The following CCNJL variants were observed in gnomAD, a reference collection of about 807,000 sequenced individuals.
CCNJL encodes the protein cyclin-J-like protein.
Under a neutral mutation model 33.4 loss-of-function variants are expected in CCNJL, and 33 were observed. The observed-to-expected ratio is 0.99, with a 90% CI of 0.75 to 1.32. CCNJL has a LOEUF of 1.32. Ranked by LOEUF, CCNJL falls within the 40% of genes most tolerant of loss-of-function variation. CCNJL has a pLI of 0.00. For synonymous variants in CCNJL, 227 were observed against 220.9 expected (o/e 1.03, Z -0.24); for missense variants, 512 against 499.7 (o/e 1.02, Z -0.23).
At chr5:160,262,333 G>T (rs1761374141) in intron 3 of CCNJL, among the ~76,000 whole-genome samples, 1 of 152,120 alleles carries the variant, frequency 6.6e-6, no homozygotes, top group Admixed American at 6.5e-5. Flanking sequence ...CTGCTACCAG[G>T]CCCAAGAGGA....
intron 1 of CCNJL, among the ~76,000 whole-genome samples, chr5:160,323,565 C>T (rs1260304823): frequency 6.6e-6 from 1 of 152,202 alleles, no homozygotes; most frequent in Non-Finnish European, 1.5e-5. Flanking sequence ...ATCCTAAAAA[C>T]ATCCTTTCTT....
chr5:160,283,010 C>CACAT (rs1554120782), intron 2 of CCNJL, among the ~76,000 whole-genome samples: 1 of 27,948 alleles, frequency 3.6e-5, no homozygotes, highest in African/African-American at 1.7e-4. Flanking sequence ...TATATATATA[C>CACAT]ATATATATAT....
chr5:160,312,780 CT>C (rs1561810202), upstream of CCNJL: 1 of 152,182 alleles, frequency 6.6e-6, no homozygotes, highest in African/African-American at 2.4e-5. Flanking sequence ...CTGGGCACCC[CT>C]CCGGCTTGCG....
intron 1 of CCNJL, 124 bp downstream of exon 1, chr5:160,312,240 C>T (rs935842811): frequency 4.6e-6 from 2 of 436,930 alleles, no homozygotes; most frequent in African/African-American, 4.1e-5. Context: ...GTTGTCAACT[C>T]CGCTAGCTCG....
intron 3 of CCNJL, among the ~76,000 whole-genome samples, chr5:160,271,320 C>T (rs1235478834): frequency 2.0e-5 from 3 of 151,960 alleles, no homozygotes; most frequent in African/African-American, 4.8e-5. Context: ...ATTAATTATT[C>T]GTGCAGCTTG....
chr5:160,299,836 ATTT>A (rs5872638), intron 2 of CCNJL, among the ~76,000 whole-genome samples: 1 of 144,462 alleles, frequency 6.9e-6, no homozygotes. Context: ...AATTGCTTGG[ATTT>A]TTTTTTTTTT....
At chr5:160,303,087 T>C (rs1046722958) in intron 2 of CCNJL, among the ~76,000 whole-genome samples, 1 of 152,184 alleles carries the variant, frequency 6.6e-6, no homozygotes, top group African/African-American at 2.4e-5. Context: ...AACAAACAAT[T>C]GATTGTTTCT....
chr5:160,332,858 C>G (rs1301410363), intron 1 of CCNJL, among the ~76,000 whole-genome samples: 1 of 151,990 alleles, frequency 6.6e-6, no homozygotes, highest in Non-Finnish European at 1.5e-5. Context: ...CTTGTTTACT[C>G]TCTGTCTCCT....
At chr5:160,281,018 CCATAAAGGAATAAAGG>C in intron 2 of CCNJL, 1 of 505,476 alleles carries the variant, frequency 2.0e-6, no homozygotes, top group Non-Finnish European at 3.6e-6. Flanking sequence ...ATACACAAGG[CCATAAAGGAATAAAGG>C]CATTGGGGTC....
chr5:160,335,907 T>G (rs923298983), intron 1 of CCNJL, among the ~76,000 whole-genome samples: 1 of 152,144 alleles, frequency 6.6e-6, no homozygotes, highest in Non-Finnish European at 1.5e-5. Flanking sequence ...TAACAGTATC[T>G]TTGGTTTCCA....
At chr5:160,314,267 C>T (rs527820319), upstream of CCNJL, among the ~76,000 whole-genome samples, 8 of 152,318 alleles carry the variant, frequency 5.3e-5, no homozygotes, top group East Asian at 1.5e-3. Flanking sequence ...AGTGTTCACA[C>T]AAGAATGGAT....
intron 1 of CCNJL, among the ~76,000 whole-genome samples, chr5:160,334,691 T>G (rs1360356745): frequency 6.6e-6 from 1 of 152,208 alleles, no homozygotes; most frequent in Admixed American, 6.5e-5. Context: ...TCGGGATCCA[T>G]GAACTTCACA....
chr5:160,255,520 GA>G, intron 5 of CCNJL, 28 bp downstream of exon 5: 2 of 1,609,848 alleles, frequency 1.2e-6, no homozygotes, highest in Non-Finnish European at 1.7e-6. Flanking sequence ...CACTATTTCA[GA>G]AACACAGGAT....
intron 5 of CCNJL, chr5:160,255,318 A>AAAAAT (rs1013885922): frequency 2.8e-6 from 1 of 357,152 alleles, no homozygotes; most frequent in African/African-American, 2.1e-5. Flanking sequence ...GTCTCAAAAA[A>AAAAAT]AAAATAAAAT....
intron 1 of CCNJL, among the ~76,000 whole-genome samples, chr5:160,327,498 G>A (rs968283666): frequency 2.6e-5 from 4 of 152,218 alleles, no homozygotes; most frequent in African/African-American, 9.6e-5. Flanking sequence ...CTCTTCTCTG[G>A]CTGCCAAAGC....
At chr5:160,314,985 A>G (rs1388756117), upstream of CCNJL, among the ~76,000 whole-genome samples, 1 of 152,216 alleles carries the variant, frequency 6.6e-6, no homozygotes, top group Non-Finnish European at 1.5e-5. Flanking sequence ...GTATTATTTG[A>G]TCCAACTCTT....
At chr5:160,321,972 G>T (rs1763470544) in intron 1 of CCNJL, among the ~76,000 whole-genome samples, 2 of 152,190 alleles carry the variant, frequency 1.3e-5, no homozygotes, top group Non-Finnish European at 2.9e-5. Context: ...CACATAGGCA[G>T]TGGGGGTGAG....
chr5:160,260,633 A>G (rs537379607), intron 3 of CCNJL, among the ~76,000 whole-genome samples: 6 of 152,180 alleles, frequency 3.9e-5, no homozygotes, highest in African/African-American at 7.2e-5. Context: ...GGGGGGCATG[A>G]CAGCTTCCAC....
At chr5:160,324,399 C>T (rs1445631172) in intron 1 of CCNJL, among the ~76,000 whole-genome samples, 1 of 152,088 alleles carries the variant, frequency 6.6e-6, no homozygotes, top group African/African-American at 2.4e-5. Context: ...ACAGTGAAAC[C>T]CTGTCTCTAT....
Sources: gnomAD v4.1 joint callset for allele counts (sites outside exome capture counted in the v4.1 genomes callset) on GRCh38, gnomAD v4.1.1 for gene constraint, MANE v1.5 for transcripts, NCBI Gene and HGNC (gene_info 2026-07-23, HGNC 2026-07-21) for gene names.